IL16: variants seen among roughly 807,000 people sequenced by gnomAD.
IL16 encodes the protein pro-interleukin-16.
In IL16, 67 loss-of-function variants were observed where a neutral mutation model predicts 110.1. The ratio of observed to expected loss-of-function variants is 0.61; its 90% CI spans 0.50 to 0.75. IL16 has a LOEUF of 0.75. Among genes scored for constraint, IL16 ranks in the 30% least tolerant of loss-of-function variants. IL16 has a pLI of 0.00. For missense variants in IL16, 1,545 were observed against 1,655.0 expected (o/e 0.93, Z 1.15); for synonymous variants, 689 against 662.9 (o/e 1.04, Z -0.61).
chr15:81,305,863 T>G, intron 16 of IL16, 45 bp from the exon 17 acceptor site: 1 of 1,601,300 alleles, frequency 6.2e-7, no homozygotes, highest in Non-Finnish European at 8.5e-7. Context: ...GTATGTGGAC[T>G]GGACTTGTGT....
chr15:81,215,145 A>C (rs1220514991), intron 1 of IL16, among the ~76,000 whole-genome samples: 1 of 152,178 alleles, frequency 6.6e-6, no homozygotes. Context: ...GACTGAGCAA[A>C]AAACCATTGC....
chr15:81,197,217 C>T, intron 1 of IL16, 65 bp downstream of exon 1: 3 of 1,096,938 alleles, frequency 2.7e-6, no homozygotes, highest in Non-Finnish European at 3.6e-6. Context: ...AGGAAGCTGG[C>T]CTCTCTGACC....
At chr15:81,245,188 A>T (rs1266736497) in intron 2 of IL16, among the ~76,000 whole-genome samples, 1 of 152,082 alleles carries the variant, frequency 6.6e-6, no homozygotes, top group Non-Finnish European at 1.5e-5. Flanking sequence ...TGTTCAAAAT[A>T]TTTCTGGGGT....
In IL16 at chr15:81,225,329, C is replaced by T; in HGVS notation, c.-71C>T. 6.4e-7 allele frequency: 1 copy of T among 1,569,752 alleles called. No individual in the cohort carries two copies. The highest frequency in any genetic ancestry group is 8.6e-7 in the Non-Finnish European group (1 of 1,161,980). The stretch of plus-strand genomic sequence containing the variant: ...CATGAAGTGGCAGCTAAGCCCTGTC[C>T]AGTGGCCACCCGTCAGCCAAGGGCC... On this transcript the variant is annotated 5_prime_UTR_variant, in exon 2 of 19. The change creates a premature stop within an existing upstream ORF in the 5' untranslated region. Coordinates refer to ENST00000683961, the MANE Select transcript of IL16 (RefSeq NM_172217.5).
chr15:81,210,702 G>A (rs1019719921), intron 1 of IL16, among the ~76,000 whole-genome samples: 1 of 152,206 alleles, frequency 6.6e-6, no homozygotes, highest in Non-Finnish European at 1.5e-5. Flanking sequence ...TTTGTATCCT[G>A]AAACCTTGCT....
intron 1 of IL16, among the ~76,000 whole-genome samples, chr15:81,191,398 A>G (rs1422674870): frequency 6.6e-6 from 1 of 152,250 alleles, no homozygotes; most frequent in Non-Finnish European, 1.5e-5. Flanking sequence ...TGAAAACTAC[A>G]AACAAATGTA....
intron 3 of IL16, 127 bp downstream of exon 3, chr15:81,260,007 T>A (rs1472154831): frequency 1.6e-6 from 1 of 633,562 alleles, no homozygotes; most frequent in Non-Finnish European, 2.8e-6. Context: ...CTGCTCAGCT[T>A]CATAGTGTGT....
At chr15:81,186,245 G>A (rs546327492) in intron 1 of IL16, among the ~76,000 whole-genome samples, 6 of 152,188 alleles carry the variant, frequency 3.9e-5, no homozygotes, top group Non-Finnish European at 7.3e-5. Context: ...TACCTACAGC[G>A]CTTTATTTTT....
chr15:81,233,599 T>TAC (rs907382250), intron 2 of IL16, among the ~76,000 whole-genome samples: 4 of 151,642 alleles, frequency 2.6e-5, no homozygotes, highest in South Asian at 4.2e-4. Flanking sequence ...TACATGCATA[T>TAC]ACACACACAC....
chr15:81,259,331 C>T (rs114752549), intron 2 of IL16, among the ~76,000 whole-genome samples: 16 of 152,300 alleles, frequency 1.1e-4, no homozygotes, highest in Admixed American at 3.9e-4. Flanking sequence ...CCACATTGCT[C>T]TCTAGTTCTT....
intron 1 of IL16, among the ~76,000 whole-genome samples, chr15:81,185,457 G>T (rs1174522672): frequency 3.3e-5 from 5 of 150,978 alleles, no homozygotes; most frequent in African/African-American, 9.8e-5. Context: ...CTGGGTTCAA[G>T]TAGTTCTCCC....
chr15:81,291,516 TC>T (rs1899717374), intron 11 of IL16, among the ~76,000 whole-genome samples: 1 of 152,224 alleles, frequency 6.6e-6, no homozygotes, highest in Non-Finnish European at 1.5e-5. Context: ...CTTGGTTCTC[TC>T]TCATGGGGCT....
At chr15:81,194,955 G>A (rs1331190990), upstream of IL16, among the ~76,000 whole-genome samples, 5 of 152,110 alleles carry the variant, frequency 3.3e-5, no homozygotes, top group African/African-American at 7.2e-5. Context: ...TCTCACCTGC[G>A]TCTTCCTCCC....
intron 16 of IL16, among the ~76,000 whole-genome samples, chr15:81,305,561 A>C (rs1900506710): frequency 6.6e-6 from 1 of 152,188 alleles, no homozygotes; most frequent in African/African-American, 2.4e-5. Context: ...ATGCCATAGA[A>C]TCAGTGCCTT....
chr15:81,259,265 G>T (rs563622680), intron 2 of IL16, among the ~76,000 whole-genome samples: 2 of 152,212 alleles, frequency 1.3e-5, no homozygotes, highest in Non-Finnish European at 2.9e-5. Context: ...AGGTATGCCA[G>T]AACAATGTAA....
At chr15:81,188,280 G>C in intron 1 of IL16, 1 of 455,620 alleles carries the variant, frequency 2.2e-6, no homozygotes, top group Non-Finnish European at 4.4e-6. Context: ...TTGTTATGAG[G>C]TGGAGAGGGG....
intron 2 of IL16, among the ~76,000 whole-genome samples, chr15:81,234,583 T>G (rs1041897487): frequency 1.3e-5 from 2 of 152,220 alleles, no homozygotes; most frequent in Non-Finnish European, 2.9e-5. Flanking sequence ...ATTTTAATTC[T>G]ACATATATTT....
intron 1 of IL16, among the ~76,000 whole-genome samples, chr15:81,221,036 C>CT (rs146913164): frequency 0.02 from 3,005 of 150,672 alleles, 74 homozygotes; most frequent in African/African-American, 0.059. Context: ...TCCTGCCCCA[C>CT]TTTTTTTTTG....
At position 81,279,697 on chromosome 15, in the gene IL16, C is replaced by T; in HGVS notation, c.1004C>T (p.Ala335Val). 1.9e-6 allele frequency: 3 copies of T among 1,614,260 alleles called. No homozygotes were observed. The highest frequency in any genetic ancestry group is 2.2e-5 in the South Asian group (2 of 91,090). The change falls in exon 8 of 19, where the codon GCC (alanine) becomes GTC (valine). Residue 335 changes from alanine (A) to valine (V), a missense_variant. Ala to Val is a moderately conservative substitution (Grantham distance 64, BLOSUM62 0). Transcript: ENST00000683961. ...TCITKDSSSFALESPSAPIST... is the reference protein window; with the variant it reads ...TCITKDSSSFVLESPSAPIST... The stretch of plus-strand genomic sequence containing the variant: ...ATCACCAAGGACAGCAGCTCCTTCG[C>T]CTTGGAAAGCCCCTCGGCTCCCATC...
Sources: allele counts gnomAD v4.1 joint callset (sites outside exome capture counted in the v4.1 genomes callset), GRCh38; gene constraint gnomAD v4.1.1; transcripts MANE v1.5; gene names NCBI Gene and HGNC (gene_info 2026-07-23, HGNC 2026-07-21).